Variants in ARHGEF33 observed in about 807,000 individuals in gnomAD.
ARHGEF33 encodes DH and coiled-coil domain-containing protein ENSP00000381780.
Under a neutral mutation model 101.9 loss-of-function variants are expected in ARHGEF33, and 72 were observed. The ratio of observed to expected loss-of-function variants is 0.71; its 90% CI spans 0.58 to 0.86. ARHGEF33 has a LOEUF of 0.86. Ranked by LOEUF, ARHGEF33 falls within the 40% of genes least tolerant of loss-of-function variation. The pLI is 0.00. For synonymous variants in ARHGEF33, 499 were observed against 442.5 expected (o/e 1.13, Z -1.60); for missense variants, 1,169 against 1,111.3 (o/e 1.05, Z -0.74).
At chr2:38,973,436 C>G (rs1179553347) in intron 17 of ARHGEF33, among the ~76,000 whole-genome samples, 2 of 152,138 alleles carry the variant, frequency 1.3e-5, no homozygotes, top group African/African-American at 4.8e-5. Context: ...ATTTTCTGAG[C>G]TTTTGTTCCC....
intron 4 of ARHGEF33, among the ~76,000 whole-genome samples, chr2:38,926,413 T>C (rs1376020629): frequency 2.6e-5 from 4 of 152,092 alleles, no homozygotes; most frequent in African/African-American, 4.8e-5. Context: ...TGAAAACCGC[T>C]CTGTAGGGGC....
chr2:38,915,494 C>T (rs938033380), intron 2 of ARHGEF33, among the ~76,000 whole-genome samples: 16 of 150,704 alleles, frequency 1.1e-4, no homozygotes, highest in Non-Finnish European at 2.2e-4. Context: ...AAGCAATTCT[C>T]CTGAGTAGCT....
chr2:38,913,637 G>A lies in ARHGEF33; in HGVS notation c.-85-5726G>A, dbSNP rs559929577. 1.6e-4 allele frequency among the ~76,000 whole-genome samples: 25 copies of A among 151,828 alleles called. No homozygotes were observed. The East Asian group carries it at 1.9e-3, about 12-fold the overall frequency. On this transcript the variant is annotated intron_variant, in intron 2 of 17. Coordinates refer to ENST00000409978, the MANE Select transcript of ARHGEF33 (RefSeq NM_001145451.5). ...TAAAAATACAAAAAATTAGCTGGGC[G>A]TGGTGGCGCACGCCTGTAATCCCAG...
At chr2:38,960,947 A>G (rs1056485623) in intron 16 of ARHGEF33, among the ~76,000 whole-genome samples, 2 of 151,984 alleles carry the variant, frequency 1.3e-5, no homozygotes, top group Non-Finnish European at 2.9e-5. Context: ...GAAGCCCGCC[A>G]CTCTTTAGAC....
At chr2:38,895,124 A>T (rs1392254834) in intron 1 of ARHGEF33, among the ~76,000 whole-genome samples, 1 of 152,172 alleles carries the variant, frequency 6.6e-6, no homozygotes, top group Non-Finnish European at 1.5e-5. Flanking sequence ...CGTGTCCCTG[A>T]ATCTTCACAT....
At chr2:38,962,541 C>A (rs1239312634) in intron 16 of ARHGEF33, among the ~76,000 whole-genome samples, 1 of 152,126 alleles carries the variant, frequency 6.6e-6, no homozygotes, top group African/African-American at 2.4e-5. Context: ...CAAGTTTCAT[C>A]TCCTAACAGT....
intron 2 of ARHGEF33, among the ~76,000 whole-genome samples, chr2:38,898,750 T>C (rs1034363324): frequency 1.3e-5 from 2 of 152,242 alleles, no homozygotes; most frequent in Non-Finnish European, 2.9e-5. Context: ...TTTCACTTGA[T>C]AAATACATCT....
Position 38,961,872 on chromosome 2 carries a change from AG to A in ARHGEF33, c.2343+1228del, listed in dbSNP as rs376904005. Among the ~76,000 whole-genome samples, 310 of 152,088 alleles carry A rather than the reference AG, an allele frequency of 2.0e-3. 1 individual carries two copies. The highest frequency in any genetic ancestry group is 7.1e-3 in the African/African-American group (294 of 41,484). On this transcript the variant is annotated intron_variant, in intron 16 of 17. Coordinates refer to ENST00000409978, the MANE Select transcript of ARHGEF33 (RefSeq NM_001145451.5). ...TGTAAAAGCTGCCTAGAAGTTGGCT[AG>A]GGGAAGAGTGAGGTAGGGAAGCGTG...
chr2:38,954,362 C>G lies in ARHGEF33; in HGVS notation c.1138-11C>G. On this transcript the variant is annotated splice_polypyrimidine_tract_variant and intron_variant, in intron 12 of 17. Transcript: ENST00000409978. ...AACACTGAAGAGTAACTTGACCTTT[C>G]TTTCATTCAGGGTGATGAAGAGATT... 1 of 1,521,138 alleles carries G rather than the reference C, an allele frequency of 6.6e-7. No individual in the cohort carries two copies. The highest frequency in any genetic ancestry group is 8.9e-7 in the Non-Finnish European group (1 of 1,119,410). The allele number at this position is 1,521,138 out of a possible 1,614,324, so 94.2% of individuals were successfully genotyped here.
chr2:38,967,796 T>C (rs1572784326), intron 17 of ARHGEF33, among the ~76,000 whole-genome samples: 1 of 149,516 alleles, frequency 6.7e-6, no homozygotes, highest in South Asian at 2.1e-4. Context: ...GCCAGGCTGG[T>C]CTTGAACTCC....
chr2:38,919,389 C>T lies in ARHGEF33; in HGVS notation c.-59C>T. 1 of 1,542,362 alleles carries T rather than the reference C, an allele frequency of 6.5e-7. No individual in the cohort carries two copies. The highest frequency in any genetic ancestry group is 2.4e-5 in the East Asian group (1 of 40,852). On this transcript the variant is annotated 5_prime_UTR_variant, in exon 3 of 18. Transcript: ENST00000409978. ...TGCAGGGAAGAGGAGGTGGCCTGAG[C>T]CAGGACGATGAGGATGCAATGTTGA... is the stretch of plus-strand genomic sequence containing the variant.
chr2:38,915,170 G>C (rs1438124134), intron 2 of ARHGEF33, among the ~76,000 whole-genome samples: 1 of 151,770 alleles, frequency 6.6e-6, no homozygotes, highest in Non-Finnish European at 1.5e-5. Context: ...ATTTTTAAAA[G>C]AAAGTAAAAT....
chr2:38,968,066 T>A (rs1051055191), intron 17 of ARHGEF33, among the ~76,000 whole-genome samples: 4 of 151,710 alleles, frequency 2.6e-5, no homozygotes, highest in African/African-American at 9.7e-5. Context: ...GATTCACCAC[T>A]GGTCCCTTTA....
intron 2 of ARHGEF33, among the ~76,000 whole-genome samples, chr2:38,906,197 A>G (rs1666384951): frequency 6.6e-6 from 1 of 151,896 alleles, no homozygotes; most frequent in Non-Finnish European, 1.5e-5. Flanking sequence ...TCAAAAAAAA[A>G]AAAAAAAAAG....
intron 2 of ARHGEF33, among the ~76,000 whole-genome samples, chr2:38,899,720 A>T (rs1239717880): frequency 6.6e-6 from 1 of 152,212 alleles, no homozygotes; most frequent in East Asian, 1.9e-4. Flanking sequence ...TCACCACAAC[A>T]ATGACAAGTA....
intron 10 of ARHGEF33, among the ~76,000 whole-genome samples, chr2:38,945,737 G>T (rs551130402): frequency 1.3e-5 from 2 of 152,314 alleles, no homozygotes; most frequent in Non-Finnish European, 2.9e-5. Flanking sequence ...CTGGGGAGGC[G>T]GGGTAAGTCA....
intron 9 of ARHGEF33, among the ~76,000 whole-genome samples, chr2:38,941,370 C>T (rs971919803): frequency 3.9e-5 from 6 of 152,110 alleles, no homozygotes; most frequent in South Asian, 2.1e-4. Context: ...ATTTCTCTTG[C>T]GGTCATAATT....
chr2:38,960,152 T>C lies in ARHGEF33; in HGVS notation c.1847T>C (p.Phe616Ser). 1 of 1,542,840 alleles carries C rather than the reference T, an allele frequency of 6.5e-7. No homozygotes were observed. Among genetic ancestry groups the C allele is most frequent in the Non-Finnish European group, 8.7e-7 (1 of 1,145,232 alleles). The change falls in exon 16 of 18, where the codon TTC (phenylalanine) becomes TCC (serine). Residue 616 changes from phenylalanine (F) to serine (S), a missense_variant. Phe to Ser is a radical substitution (Grantham distance 155). Transcript: ENST00000409978. ...TTCGTGCCCGCGGCCTACGAAGAGT[T>C]CGAGTACGGCGGCGAGATCTTCGCG... The part of the protein sequence containing the change: ...RGFVPAAYEE[F>S]EYGGEIFALP...
intron 15 of ARHGEF33, 134 bp from the exon 16 acceptor site, chr2:38,959,707 T>C (rs753681704): frequency 1.9e-5 from 19 of 989,264 alleles, no homozygotes; most frequent in Admixed American, 6.0e-5. Context: ...AGCGCCTTAG[T>C]GGAAGTTTGT....
Sources: gnomAD v4.1 joint callset for allele counts (sites outside exome capture counted in the v4.1 genomes callset) on GRCh38, gnomAD v4.1.1 for gene constraint, MANE v1.5 for transcripts, NCBI Gene and HGNC (gene_info 2026-07-23, HGNC 2026-07-21) for gene names.